Variants in LILRB4 observed in about 807,000 individuals in gnomAD.
LILRB4 encodes the protein leukocyte immunoglobulin like receptor B4, also known as leukocyte immunoglobulin-like receptor subfamily B member 4.
LILRB4 carries 49 observed loss-of-function variants against 55.2 expected under a neutral mutation model. The observed-to-expected ratio is 0.89, with a 90% CI of 0.71 to 1.13. LILRB4 has a LOEUF of 1.13. Ranked by LOEUF, LILRB4 falls within the 50% of genes most tolerant of loss-of-function variation. LILRB4 has a pLI of 0.00. For synonymous variants in LILRB4, 229 were observed against 213.8 expected, an observed-to-expected ratio of 1.07 and a Z score of -0.62; for missense variants, 590 against 555.2, an observed-to-expected ratio of 1.06 and a Z score of -0.63.
At chr19:54,663,443 CAAA>C (rs61542200) in intron 1 of LILRB4, 86 bp from the exon 2 acceptor site, 2,143 of 947,958 alleles carry the variant, frequency 2.3e-3, no homozygotes, top group East Asian at 3.0e-3. Context: ...GACTCCGTCT[CAAA>C]AAAAAAAAAA....
chr19:54,663,216 G>T, intron 1 of LILRB4, 149 bp downstream of exon 1: 1 of 917,180 alleles, frequency 1.1e-6, no homozygotes, highest in Non-Finnish European at 1.6e-6. Flanking sequence ...GGAGGCCGAG[G>T]CGGGCGGATC....
At chr19:54,668,166 C>A in exon 12 of LILRB4, 2 of 835,122 alleles carry the variant, frequency 2.4e-6, no homozygotes, top group South Asian at 1.8e-5. Context: ...TGGGAGTCAC[C>A]TGATTCTGCA....
chr19:54,663,000 A>G (rs375588738), exon 1 of LILRB4: 99 of 1,613,900 alleles, frequency 6.1e-5, no homozygotes, highest in Non-Finnish European at 8.2e-5. Flanking sequence ...GGACTCATCC[A>G]TCTGCACAGC....
At position 54,665,696 on chromosome 19, in the gene LILRB4, A is replaced by C; in HGVS notation, c.758-119A>C. ...AGAGAGGGTGGCAATCTCAGGTTGC[A>C]CAACTGCTGTGAGGGTTGGAGGTAA... On this transcript the variant is annotated intron_variant, in intron 6 of 11. Transcript: ENST00000430952. This position sits in a 1 kb window ranked among gnomAD's most constrained non-coding sequence, Gnocchi z 5.5. 8.1e-7 allele frequency: 1 copy of C among 1,236,136 alleles called. No homozygotes were observed. The highest frequency in any genetic ancestry group is 1.2e-6 in the Non-Finnish European group (1 of 860,974). 76.6% of individuals were successfully genotyped at this position (1,236,136 alleles called of 1,614,324 possible).
In LILRB4 at chr19:54,664,398, G is replaced by A. The variant is rs11574571; in HGVS notation, c.568G>A (p.Gly190Arg). 964 of 1,613,798 alleles carry A rather than the reference G, an allele frequency of 6.0e-4. 1 individual carries two copies. Among genetic ancestry groups the A allele is most frequent in the Non-Finnish European group, 7.9e-4 (927 of 1,179,878 alleles). Residue 190 changes from glycine to arginine, a missense_variant, in exon 4 of 12, where the codon GGG becomes AGG. Physicochemically the swap from Gly to Arg is moderately radical, Grantham distance 125. Transcript: ENST00000430952. ...CATGAGTCCTGTGACCTCAGTGCAC[G>A]GGGGGACCTACAGGTGCTTCAGCTC...
Position 54,666,781 on chromosome 19 carries a change from G to A in LILRB4, c.1041+32G>A, listed in dbSNP as rs747939560. 1.9e-6 allele frequency: 3 copies of A among 1,597,958 alleles called. No individual in the cohort carries two copies. The highest frequency in any genetic ancestry group is 3.3e-5 in the Admixed American group (2 of 59,990). On this transcript the variant is annotated intron_variant, in intron 10 of 11. Transcript: ENST00000430952. This position sits in a 1 kb window ranked among gnomAD's most constrained non-coding sequence, Gnocchi z 4.8. Reference sequence around the variant, plus strand: ...ACCCGCCCCTGTCCCCGGCACCAAAGGCCTCCTGGTGCCAGATCTAATCCT... The same window carrying A: ...ACCCGCCCCTGTCCCCGGCACCAAAAGCCTCCTGGTGCCAGATCTAATCCT...
At chr19:54,664,872 CAG>C (rs1427952561) in intron 5 of LILRB4, 23 bp downstream of exon 5, 2 of 1,608,282 alleles carry the variant, frequency 1.2e-6, no homozygotes, top group Middle Eastern at 1.7e-4. Flanking sequence ...GGCCTCTGTC[CAG>C]AGAGTTTCCA....
Position 54,667,571 on chromosome 19 carries a change from G to A in LILRB4, c.1042-67G>A, listed in dbSNP as rs192539328. The A allele has an allele frequency of 1.7e-3, 2,722 of 1,599,274 alleles. 30 individuals are homozygous for A. The highest frequency in any genetic ancestry group is 6.5e-3 in the African/African-American group (482 of 74,016). ...TAATCGGATCACCCTGGGAACAGTG[G>A]GGAAAATTGACTCCAGGGAGTCAGG... On this transcript the variant is annotated intron_variant, in intron 10 of 11. Coordinates refer to ENST00000430952, the Ensembl canonical transcript of LILRB4.
rs1599925490 is a variant in LILRB4 at position 54,665,295 on chromosome 19, A to C, written c.757+115A>C. ...TGATGTGGACAGGCCCCTCCCCTGC[A>C]TGGGCCTCAGTTTCTCCAAGTGTAA... is the stretch of plus-strand genomic sequence containing the variant. On this transcript the variant is annotated intron_variant, in intron 6 of 11. Transcript: ENST00000430952. The surrounding 1 kb of genome is among the most constrained non-coding windows in gnomAD (Gnocchi z 5.5). 2 of 1,339,584 alleles carry C rather than the reference A, an allele frequency of 1.5e-6. No homozygotes were observed. Among genetic ancestry groups the C allele is most frequent in the East Asian group, 3.0e-5 (1 of 33,164 alleles). 83.0% of individuals were successfully genotyped at this position (1,339,584 alleles called of 1,614,324 possible).
intron 10 of LILRB4, chr19:54,667,163 T>G (rs1269493317): frequency 5.3e-6 from 3 of 566,286 alleles, no homozygotes; most frequent in Admixed American, 2.2e-5. Flanking sequence ...TGAGCTCACC[T>G]CGTGGTGGGA....
At chr19:54,667,422 C>T (rs1365721748) in intron 10 of LILRB4, 15 of 1,026,668 alleles carry the variant, frequency 1.5e-5, no homozygotes, top group East Asian at 1.1e-4. Flanking sequence ...GCAGGAAGGC[C>T]GCGTGAGGCT....
chr19:54,668,197 A>G lies in LILRB4; in HGVS notation c.*178A>G, dbSNP rs1451039210. On this transcript the variant is annotated 3_prime_UTR_variant, in exon 12 of 12. Transcript: ENST00000430952. ...CTGCAAAGATAAATAATATCCCTGC[A>G]TTATCAAAATAAAGTAGCAGACCTC... is the stretch of plus-strand genomic sequence containing the variant. The G allele has an allele frequency of 6.1e-6, 4 of 652,186 alleles. No homozygotes were observed. The African/African-American group carries it at 7.3e-5, about 12-fold the overall frequency. The allele number at this position is 652,186 out of a possible 1,614,324, so 40.4% of individuals were successfully genotyped here.
chr19:54,664,227 C>T, exon 4 of LILRB4: 1 of 1,614,138 alleles, frequency 6.2e-7, no homozygotes. Context: ...GCCGAGTCCT[C>T]TTGTGACCTC....
At position 54,666,506 on chromosome 19, in the gene LILRB4, G is replaced by T. The variant is rs1318954918; in HGVS notation, c.988+70G>T. 6.4e-7 allele frequency: 1 copy of T among 1,565,138 alleles called. No homozygotes were observed. The highest frequency in any genetic ancestry group is 1.4e-5 in the African/African-American group (1 of 73,950). ...TCCCAAAATTTCAATAGCAATGGGG[G>T]CAGGAGCACAGGCTAGGATTGGTCA... On this transcript the variant is annotated intron_variant, in intron 9 of 11. Transcript: ENST00000430952. The surrounding 1 kb of genome is among the most constrained non-coding windows in gnomAD (Gnocchi z 4.8).
rs369048182 is a variant in LILRB4 at position 54,666,296 on chromosome 19, G to A, written c.931G>A (p.Asp311Asn). Residue 311 changes from aspartate (D) to asparagine (N), a missense_variant, in exon 8 of 12, where the codon GAC becomes AAC. Coordinates refer to ENST00000430952, the Ensembl canonical transcript of LILRB4. This position sits in a 1 kb window ranked among gnomAD's most constrained non-coding sequence, Gnocchi z 4.8. ...AGGGGCTGCCGAGCCAGAGCCCAAG[G>A]ACGGGGGCCTACAGAGGAGGTAATT... 10 of 1,610,342 alleles carry A rather than the reference G, an allele frequency of 6.2e-6. No homozygotes were observed. In the African/African-American group the frequency reaches 1.2e-4, roughly 19 times the overall value.
chr19:54,667,781 G>A, exon 11 of LILRB4: 1 of 1,610,198 alleles, frequency 6.2e-7, no homozygotes, highest in Non-Finnish European at 8.5e-7. Flanking sequence ...AGGACAGACA[G>A]ATGGACACTG....
At position 54,665,524 on chromosome 19, in the gene LILRB4, T is replaced by C. The variant is rs2065226127; in HGVS notation, c.758-291T>C. Among the ~76,000 whole-genome samples the C allele has an allele frequency of 6.6e-6, 1 of 152,068 alleles. No individual in the cohort carries two copies. The highest frequency in any genetic ancestry group is 2.1e-4 in the South Asian group (1 of 4,828). ...GACAGTCAGGCTCTTTCCCTGCAAC[T>C]CTGGGGCTTGGCTCTGGTGCAGGAA... On this transcript the variant is annotated intron_variant, in intron 6 of 11. Transcript: ENST00000430952. The surrounding 1 kb of genome is among the most constrained non-coding windows in gnomAD (Gnocchi z 5.5).
In LILRB4 at chr19:54,666,362, C is replaced by T; in HGVS notation, c.951-37C>T. 11 of 1,612,370 alleles carry T rather than the reference C, an allele frequency of 6.8e-6. No individual in the cohort carries two copies. Among genetic ancestry groups the T allele is most frequent in the Non-Finnish European group, 8.5e-6 (10 of 1,179,034 alleles). On this transcript the variant is annotated intron_variant, in intron 8 of 11. Coordinates refer to ENST00000430952, the Ensembl canonical transcript of LILRB4. This position sits in a 1 kb window ranked among gnomAD's most constrained non-coding sequence, Gnocchi z 4.8. ...AGACTCCCACCCATCCCAACAGCCA[C>T]CTCACTGTCCCCTTACACTCCCGTA...
chr19:54,664,292 T>C, exon 4 of LILRB4: 2 of 1,614,022 alleles, frequency 1.2e-6, no homozygotes, highest in Non-Finnish European at 8.5e-7. Flanking sequence ...ACACTTTTCT[T>C]CTGATCAAGG....
Sources: allele counts gnomAD v4.1 joint callset (sites outside exome capture counted in the v4.1 genomes callset), GRCh38; gene constraint gnomAD v4.1.1; non-coding constraint Gnocchi (gnomAD v3.1); transcripts MANE v1.5; gene names NCBI Gene and HGNC (gene_info 2026-07-23, HGNC 2026-07-21).